The following GXYLT1 variants were observed in gnomAD, a reference collection of about 807,000 sequenced individuals.
The protein encoded by GXYLT1 is glycosyltransferase 8 domain containing 3.
GXYLT1 carries 29 observed loss-of-function variants against 54.0 expected under a neutral mutation model. That is an observed-to-expected ratio of 0.54 (90% CI 0.40 to 0.73). The LOEUF (loss-of-function observed/expected upper bound fraction) is 0.73, where lower values mean the gene tolerates loss of function less well. GXYLT1 is among the 30% of genes least tolerant of loss of function. The pLI is 0.00. For missense variants in GXYLT1, 490 were observed against 553.4 expected (o/e 0.89, Z 1.15); for synonymous variants, 176 against 204.1 (o/e 0.86, Z 1.17).
intron 3 of GXYLT1, among the ~76,000 whole-genome samples, chr12:42,114,456 C>T (rs1331951159): frequency 2.0e-5 from 3 of 152,122 alleles, no homozygotes; most frequent in African/African-American, 7.2e-5. Flanking sequence ...ATATCACCAC[C>T]AATCCCACAG....
intron 3 of GXYLT1, among the ~76,000 whole-genome samples, chr12:42,112,968 A>G (rs1354776153): frequency 6.6e-6 from 1 of 151,222 alleles, no homozygotes; most frequent in Non-Finnish European, 1.5e-5. Flanking sequence ...GAGAGTGGGG[A>G]CCAACATTCA....
chr12:42,098,589 C>T (rs1400384244), intron 5 of GXYLT1, among the ~76,000 whole-genome samples: 1 of 151,294 alleles, frequency 6.6e-6, no homozygotes, highest in Non-Finnish European at 1.5e-5. Flanking sequence ...ATCAAGGCTG[C>T]AGAGGGAGTG....
intron 3 of GXYLT1, among the ~76,000 whole-genome samples, chr12:42,109,918 G>A (rs1266377991): frequency 1.3e-5 from 2 of 152,196 alleles, no homozygotes; most frequent in African/African-American, 2.4e-5. Flanking sequence ...GAAGCATAAT[G>A]AAAGTTATCA....
At position 42,113,402 on chromosome 12, in the gene GXYLT1, AC is replaced by A. The variant is rs960435063; in HGVS notation, c.487-3712del. The stretch of plus-strand genomic sequence containing the variant: ...CAGGAAACCCATCTCACGGGCAGAG[AC>A]ACACATAGGCTCAAAATAAAAGGAT... On this transcript the variant is annotated intron_variant, in intron 3 of 7. Coordinates refer to ENST00000398675, the MANE Select transcript of GXYLT1 (RefSeq NM_173601.2). Among the ~76,000 whole-genome samples, 27 of 151,102 alleles carry A rather than the reference AC, an allele frequency of 1.8e-4. 2 individuals carry two copies. The highest frequency in any genetic ancestry group is 6.4e-4 in the African/African-American group (26 of 40,404).
Position 42,082,142 on chromosome 12 carries a change from C to T in GXYLT1, c.*5644G>A, listed in dbSNP as rs1047432125. 6.6e-6 allele frequency: 1 copy of T among 152,202 alleles called. No individual in the cohort carries two copies. Among genetic ancestry groups the T allele is most frequent in the African/African-American group, 2.4e-5 (1 of 41,458 alleles). The allele number at this position is 152,202 out of a possible 1,614,324, so 9.4% of individuals were successfully genotyped here. A position where few individuals can be genotyped will look rare whatever the true frequency, so the allele number is the denominator to read the frequency against. On this transcript the variant is annotated 3_prime_UTR_variant, in exon 8 of 8. Coordinates refer to ENST00000398675, the MANE Select transcript of GXYLT1 (RefSeq NM_173601.2). ...ATGATGCCTTCCTGCAGGTTTAGAA[C>T]TATTACTACTCAAAATATTAATACA...
intron 7 of GXYLT1, among the ~76,000 whole-genome samples, chr12:42,096,410 A>C (rs74077816): frequency 0.024 from 3,659 of 152,296 alleles, 142 homozygotes; most frequent in African/African-American, 0.084. Flanking sequence ...GGACACAAGA[A>C]GTAGCCAATG....
At chr12:42,111,146 G>C (rs2065451728) in intron 3 of GXYLT1, among the ~76,000 whole-genome samples, 1 of 152,170 alleles carries the variant, frequency 6.6e-6, no homozygotes, top group South Asian at 2.1e-4. Flanking sequence ...AAACAATCCA[G>C]GGAGGAGCCA....
At chr12:42,133,672 T>C (rs536243059) in intron 1 of GXYLT1, among the ~76,000 whole-genome samples, 4 of 152,322 alleles carry the variant, frequency 2.6e-5, no homozygotes, top group African/African-American at 7.2e-5. Context: ...CAAATCCTAC[T>C]TTCCTCTAAC....
intron 2 of GXYLT1, among the ~76,000 whole-genome samples, chr12:42,129,357 C>A (rs1353601339): frequency 6.6e-6 from 1 of 152,160 alleles, no homozygotes; most frequent in Admixed American, 6.5e-5. Context: ...CTACTAATAA[C>A]GAATATAATC....
chr12:42,115,128 T>C (rs2065485599), intron 3 of GXYLT1, among the ~76,000 whole-genome samples: 4 of 152,262 alleles, frequency 2.6e-5, no homozygotes, highest in East Asian at 3.9e-4. Flanking sequence ...ATGGGACGTA[T>C]CTCAAAATAA....
intron 7 of GXYLT1, among the ~76,000 whole-genome samples, chr12:42,093,749 G>T (rs1016803321): frequency 2.6e-5 from 4 of 152,076 alleles, no homozygotes; most frequent in Non-Finnish European, 5.9e-5. Flanking sequence ...GGCTGAGGGA[G>T]TTGCCTCAGC....
At chr12:42,124,065 T>C (rs899924028) in intron 2 of GXYLT1, among the ~76,000 whole-genome samples, 4 of 151,390 alleles carry the variant, frequency 2.6e-5, no homozygotes, top group African/African-American at 9.7e-5. Flanking sequence ...AGGATTTTTA[T>C]ATAAAGCATT....
chr12:42,118,970 T>C (rs748152844), intron 3 of GXYLT1, 30 bp downstream of exon 3: 2 of 1,546,282 alleles, frequency 1.3e-6, no homozygotes, highest in Non-Finnish European at 8.9e-7. Context: ...TATTCAACTC[T>C]ACAACCTTGA....
At chr12:42,123,127 C>T (rs1313626118) in intron 2 of GXYLT1, among the ~76,000 whole-genome samples, 1 of 152,166 alleles carries the variant, frequency 6.6e-6, no homozygotes, top group Non-Finnish European at 1.5e-5. Context: ...AGGAGACTAA[C>T]TCAACCTGAG....
At chr12:42,121,071 A>C (rs1483023175) in intron 2 of GXYLT1, among the ~76,000 whole-genome samples, 2 of 152,170 alleles carry the variant, frequency 1.3e-5, no homozygotes, top group Non-Finnish European at 2.9e-5. Context: ...GACAAGTTAA[A>C]AACTAGGCAA....
chr12:42,098,427 A>G (rs550379705), intron 5 of GXYLT1, among the ~76,000 whole-genome samples: 2 of 135,814 alleles, frequency 1.5e-5, no homozygotes, highest in South Asian at 5.2e-4. Flanking sequence ...GTTAGCTATT[A>G]TTATTTTTTA....
intron 2 of GXYLT1, among the ~76,000 whole-genome samples, chr12:42,120,116 T>C (rs967504455): frequency 6.6e-6 from 1 of 152,190 alleles, no homozygotes; most frequent in Non-Finnish European, 1.5e-5. Context: ...TCATTCAATT[T>C]TTTAAAAACA....
chr12:42,114,174 G>A (rs2065477583), intron 3 of GXYLT1, among the ~76,000 whole-genome samples: 1 of 152,174 alleles, frequency 6.6e-6, no homozygotes, highest in African/African-American at 2.4e-5. Flanking sequence ...ACAAGAGAAA[G>A]CAGGAAAGGT....
Position 42,112,949 on chromosome 12 carries a change from A to G in GXYLT1, c.487-3258T>C, listed in dbSNP as rs568252635. 4.0e-5 allele frequency among the ~76,000 whole-genome samples: 6 copies of G among 151,436 alleles called. No homozygotes were observed. In the South Asian group the frequency reaches 1.2e-3, roughly 31 times the overall value. The stretch of plus-strand genomic sequence containing the variant: ...GCGGATCTCTCGGCAGAAACTCTAC[A>G]AGCCAGAAGAGAGTGGGGACCAACA... On this transcript the variant is annotated intron_variant, in intron 3 of 7. Transcript: ENST00000398675.
Sources: gnomAD v4.1 joint callset for allele counts (sites outside exome capture counted in the v4.1 genomes callset) on GRCh38, gnomAD v4.1.1 for gene constraint, MANE v1.5 for transcripts, NCBI Gene and HGNC (gene_info 2026-07-23, HGNC 2026-07-21) for gene names.